HMGCLL1: variants seen among roughly 807,000 people sequenced by gnomAD.
HMGCLL1 encodes 3-hydroxymethyl-3-methylglutaryl-CoA lyase, cytoplasmic.
A neutral mutation model predicts 39.1 loss-of-function variants in HMGCLL1; 36 were observed. The ratio of observed to expected loss-of-function variants is 0.92; its 90% CI spans 0.71 to 1.22. HMGCLL1 has a LOEUF of 1.22. Among genes scored for constraint, HMGCLL1 ranks in the 50% most tolerant of loss-of-function variants. The pLI is 0.00. For synonymous variants in HMGCLL1, 149 were observed against 144.0 expected (o/e 1.03, Z -0.25); for missense variants, 451 against 416.5 (o/e 1.08, Z -0.72).
At chr6:55,556,118 T>C (rs1013257679) in intron 1 of HMGCLL1, among the ~76,000 whole-genome samples, 23 of 152,104 alleles carry the variant, frequency 1.5e-4, no homozygotes, top group Non-Finnish European at 3.1e-4. Flanking sequence ...CATCAAATCA[T>C]TACTTTATTT....
At chr6:55,588,435 G>A in the HMGCLL1 span, among the ~76,000 whole-genome samples, 14 of 151,750 alleles carry the variant, frequency 9.2e-5, no homozygotes, top group Non-Finnish European at 1.6e-4. Flanking sequence ...AGCACTAAAT[G>A]CCCACAAGAG....
At chr6:55,603,197 C>A in the HMGCLL1 span, among the ~76,000 whole-genome samples, 1 of 152,002 alleles carries the variant, frequency 6.6e-6, no homozygotes, top group African/African-American at 2.4e-5. Context: ...CTATCAGTAC[C>A]AATCTGAAAA....
chr6:55,667,383 A>G, the HMGCLL1 span, among the ~76,000 whole-genome samples: 1 of 151,826 alleles, frequency 6.6e-6, no homozygotes, highest in African/African-American at 2.4e-5. Context: ...GTTTACATTT[A>G]CCTCATTTAA....
the HMGCLL1 span, among the ~76,000 whole-genome samples, chr6:55,642,267 CA>C: frequency 4.0e-5 from 6 of 150,570 alleles, no homozygotes; most frequent in Admixed American, 4.0e-4. Flanking sequence ...CATAGTATTC[CA>C]TGGTGTATAT....
chr6:55,579,028 G>A lies in HMGCLL1; in HGVS notation c.28C>T (p.His10Tyr), dbSNP rs1298444360. 1 of 1,612,684 alleles carries A rather than the reference G, an allele frequency of 6.2e-7. No homozygotes were observed. The highest frequency in any genetic ancestry group is 1.3e-5 in the African/African-American group (1 of 74,892). Residue 10 changes from histidine to tyrosine, a missense_variant, in exon 1 of 9, where the codon CAC (histidine) becomes TAC (tyrosine). By Grantham distance (83) the His-to-Tyr change is moderately conservative (BLOSUM62 2). Coordinates refer to ENST00000274901, the MANE Select transcript of HMGCLL1 (RefSeq NM_001042406.2). MGNVPSAVK[H>Y]CLSYQQLLRE... ...AGAAGCTGCTGGTAGCTGAGGCAGT[G>A]CTTCACCGCGGATGGCACATTCCCC... is the stretch of plus-strand genomic sequence containing the variant.
the HMGCLL1 span, among the ~76,000 whole-genome samples, chr6:55,671,768 T>A: frequency 6.6e-6 from 1 of 151,784 alleles, no homozygotes; most frequent in Non-Finnish European, 1.5e-5. Context: ...GATTCTTTTT[T>A]TTACAGCAGC....
At chr6:55,439,694 G>A in intron 7 of HMGCLL1, 135 bp from the exon 8 acceptor site, 1 of 906,780 alleles carries the variant, frequency 1.1e-6, no homozygotes, top group South Asian at 1.9e-5. Flanking sequence ...TTACCCAGTG[G>A]CCTCTAGAAT....
the HMGCLL1 span, among the ~76,000 whole-genome samples, chr6:55,636,509 A>T: frequency 6.6e-6 from 1 of 152,176 alleles, no homozygotes; most frequent in Non-Finnish European, 1.5e-5. Flanking sequence ...CTGGACTCAC[A>T]ACCTAAATCT....
chr6:55,549,373 AGTGTGT>A (rs70986732), intron 1 of HMGCLL1, among the ~76,000 whole-genome samples: 32 of 145,518 alleles, frequency 2.2e-4, no homozygotes, highest in South Asian at 4.4e-4. Flanking sequence ...CAAATACAGA[AGTGTGT>A]GTGTGTGTGT....
chr6:55,583,737 T>C (rs184948375), upstream of HMGCLL1, among the ~76,000 whole-genome samples: 26 of 152,268 alleles, frequency 1.7e-4, 1 homozygote, highest in East Asian at 4.8e-3. Context: ...CTTTCATGGG[T>C]TATTGAAATA....
chr6:55,660,984 C>A, the HMGCLL1 span, among the ~76,000 whole-genome samples: 1 of 151,674 alleles, frequency 6.6e-6, no homozygotes, highest in African/African-American at 2.4e-5. Flanking sequence ...GAGCTGTTTT[C>A]CATTTGCTTG....
chr6:55,562,819 TC>T (rs1296279430), intron 1 of HMGCLL1, among the ~76,000 whole-genome samples: 1 of 152,068 alleles, frequency 6.6e-6, no homozygotes, highest in Non-Finnish European at 1.5e-5. Flanking sequence ...TTCAGTGGTT[TC>T]TTTCAGTTCT....
the HMGCLL1 span, among the ~76,000 whole-genome samples, chr6:55,658,547 C>T: frequency 0.34 from 50,809 of 151,554 alleles, 8,748 homozygotes; most frequent in East Asian, 0.41. Context: ...AGAAGTGTTA[C>T]TGTATTATGT....
At chr6:55,491,242 G>T (rs1184991803) in intron 7 of HMGCLL1, among the ~76,000 whole-genome samples, 1 of 152,084 alleles carries the variant, frequency 6.6e-6, no homozygotes, top group Non-Finnish European at 1.5e-5. Context: ...TTTGCTATTT[G>T]GTAGCTTTTA....
chr6:55,543,476 T>TG (rs1769742076), intron 1 of HMGCLL1, among the ~76,000 whole-genome samples: 1 of 8,834 alleles, frequency 1.1e-4, no homozygotes, highest in East Asian at 8.6e-3. Context: ...ATATCATATA[T>TG]AATATATATA....
At chr6:55,527,306 T>C (rs1411088223) in intron 3 of HMGCLL1, among the ~76,000 whole-genome samples, 1 of 152,028 alleles carries the variant, frequency 6.6e-6, no homozygotes, top group African/African-American at 2.4e-5. Flanking sequence ...AAAATACAGA[T>C]TTCTTGGACA....
chr6:55,509,247 G>C (rs1447278607), intron 5 of HMGCLL1, among the ~76,000 whole-genome samples: 1 of 151,800 alleles, frequency 6.6e-6, no homozygotes, highest in African/African-American at 2.4e-5. Flanking sequence ...AACTTCTGTG[G>C]GCAGCTTCTT....
At chr6:55,466,220 ACTAG>A (rs1468235516) in intron 7 of HMGCLL1, among the ~76,000 whole-genome samples, 2 of 152,082 alleles carry the variant, frequency 1.3e-5, no homozygotes, top group African/African-American at 4.8e-5. Flanking sequence ...AGGCAATAAC[ACTAG>A]CTATGCAGGA....
intron 3 of HMGCLL1, among the ~76,000 whole-genome samples, chr6:55,527,606 T>G (rs1377646754): frequency 1.3e-5 from 2 of 152,076 alleles, no homozygotes; most frequent in African/African-American, 2.4e-5. Context: ...ATTGAAAATT[T>G]CGTTAAAACT....
Sources: allele counts gnomAD v4.1 joint callset (sites outside exome capture counted in the v4.1 genomes callset), GRCh38; gene constraint gnomAD v4.1.1; transcripts MANE v1.5; gene names NCBI Gene and HGNC (gene_info 2026-07-23, HGNC 2026-07-21).